NAT10: variants seen among roughly 807,000 people sequenced by gnomAD.
NAT10 encodes N-acetyltransferase 10.
In NAT10, 109 loss-of-function variants were observed where a neutral mutation model predicts 132.2. That is an observed-to-expected ratio of 0.82 (90% confidence interval 0.71 to 0.97). The LOEUF (loss-of-function observed/expected upper bound fraction) is 0.97, where lower values mean the gene tolerates loss of function less well. Among genes scored for constraint, NAT10 ranks in the 50% least tolerant of loss-of-function variants. The pLI, the probability that NAT10 is intolerant of heterozygous loss-of-function variation, is 0.00. For missense variants in NAT10, 1,184 were observed against 1,263.4 expected (o/e 0.94, Z 0.95); for synonymous variants, 479 against 478.0 (o/e 1.00, Z -0.03).
chr11:34,132,070 G>A, intron 14 of NAT10, 55 bp from the exon 15 acceptor site: 2 of 1,321,796 alleles, frequency 1.5e-6, no homozygotes, highest in Non-Finnish European at 2.2e-6. Context: ...CCAGAGAGTA[G>A]TATGACCTGT....
intron 6 of NAT10, 91 bp downstream of exon 6, chr11:34,115,975 G>A: frequency 8.2e-7 from 1 of 1,223,140 alleles, no homozygotes; most frequent in African/African-American, 1.5e-5. Context: ...CTTTTATATT[G>A]GGGAAAGTAG....
chr11:34,115,980 A>G, intron 6 of NAT10, 96 bp downstream of exon 6: 1 of 1,134,954 alleles, frequency 8.8e-7, no homozygotes. Flanking sequence ...ATATTGGGGA[A>G]AGTAGTACAA....
rs561239217 is a variant in NAT10, at chr11:34,112,335, C to G, written c.372+112C>G. 4 of 1,264,528 alleles carry G rather than the reference C, an allele frequency of 3.2e-6. No individual in the cohort carries two copies. In the East Asian group the frequency reaches 9.6e-5, roughly 30 times the overall value. 78.3% of individuals were successfully genotyped at this position (1,264,528 alleles called of 1,614,324 possible). The stretch of plus-strand genomic sequence containing the variant: ...AGTAAGGAGAGGAGAGTCCCATGTT[C>G]CCTATGCCCAAGCATTATTAGTGGA... On this transcript the variant is annotated intron_variant, in intron 4 of 28. Transcript: ENST00000257829.
chr11:34,132,284 T>C, intron 15 of NAT10, 63 bp downstream of exon 15: 1 of 1,319,434 alleles, frequency 7.6e-7, no homozygotes, highest in Non-Finnish European at 1.1e-6. Context: ...CAGTCCCCTT[T>C]TACTTGATTT....
At position 34,122,516 on chromosome 11, in the gene NAT10, G is replaced by T; in HGVS notation, c.838G>T (p.Val280Phe). The T allele has an allele frequency of 6.2e-7, 1 of 1,614,208 alleles. No individual in the cohort carries two copies. The highest frequency in any genetic ancestry group is 8.5e-7 in the Non-Finnish European group (1 of 1,180,036). Residue 280 changes from valine to phenylalanine, a missense_variant, in exon 9 of 29, where the codon GTT (valine) becomes TTT (phenylalanine). Val to Phe is a conservative substitution (Grantham distance 50). Coordinates refer to ENST00000257829, the MANE Select transcript of NAT10 (RefSeq NM_024662.3). Reference protein sequence around the residue: ...GISEKTLRSTVALTAARGRGK... With the variant: ...GISEKTLRSTFALTAARGRGK... ...CTCTGAAAAGACCCTGAGGAGTACT[G>T]TTGCACTCACAGCTGCTCGAGGACG... is the stretch of plus-strand genomic sequence containing the variant.
At chr11:34,134,142 C>T (rs1228914736) in intron 16 of NAT10, among the ~76,000 whole-genome samples, 177 bp from the exon 17 acceptor site, 5 of 152,128 alleles carry the variant, frequency 3.3e-5, no homozygotes, top group South Asian at 2.1e-4. Context: ...CCAGCCTGGG[C>T]GACAGAGTGA....
At chr11:34,126,698 T>C (rs1228706190) in intron 11 of NAT10, among the ~76,000 whole-genome samples, 3 of 152,240 alleles carry the variant, frequency 2.0e-5, no homozygotes, top group Non-Finnish European at 4.4e-5. Flanking sequence ...CTGCTGTCTT[T>C]AGCATTTCAC....
At chr11:34,137,883 G>A (rs188165370) in intron 21 of NAT10, among the ~76,000 whole-genome samples, 248 of 152,284 alleles carry the variant, frequency 1.6e-3, no homozygotes, top group Admixed American at 3.3e-3. Flanking sequence ...AGGATGAGGA[G>A]GATGAGGACA....
chr11:34,143,146 C>T (rs569643601), intron 27 of NAT10, among the ~76,000 whole-genome samples: 7 of 152,268 alleles, frequency 4.6e-5, no homozygotes, highest in Admixed American at 3.9e-4. Flanking sequence ...TAATGAGAGT[C>T]ATGTGGGAAG....
intron 8 of NAT10, among the ~76,000 whole-genome samples, chr11:34,121,516 C>T (rs1851892256): frequency 1.3e-5 from 2 of 151,982 alleles, no homozygotes; most frequent in Admixed American, 1.3e-4. Flanking sequence ...AGTTTGAGAT[C>T]TGTAGTGTAC....
At chr11:34,115,662 C>A (rs1336092853) in intron 5 of NAT10, among the ~76,000 whole-genome samples, 161 bp from the exon 6 acceptor site, 1 of 152,208 alleles carries the variant, frequency 6.6e-6, no homozygotes, top group Non-Finnish European at 1.5e-5. Context: ...AGTGTCTGAT[C>A]CCAGTTTCAG....
Position 34,146,279 on chromosome 11 carries a change from G to C in NAT10, c.*87G>C, listed in dbSNP as rs1267589645. On this transcript the variant is annotated 3_prime_UTR_variant, in exon 29 of 29. Coordinates refer to ENST00000257829, the MANE Select transcript of NAT10 (RefSeq NM_024662.3). ...CTCTGGCTGGACTGTTAAAAGCAAC[G>C]AGAGGCCCCGGCACACCTGGAAGCT... 4.1e-6 allele frequency: 4 copies of C among 984,326 alleles called. No individual in the cohort carries two copies. The highest frequency in any genetic ancestry group is 5.9e-6 in the Non-Finnish European group (4 of 676,068). The allele number at this position is 984,326 out of a possible 1,614,324, so 61.0% of individuals were successfully genotyped here.
chr11:34,120,085 A>G (rs75817653), intron 8 of NAT10, among the ~76,000 whole-genome samples: 13,964 of 145,276 alleles, frequency 0.096, 688 homozygotes, highest in African/African-American at 0.12. Context: ...AGAGGAGGGT[A>G]CCTTCTTCAT....
At chr11:34,127,703 C>T in intron 12 of NAT10, 104 bp downstream of exon 12, 1 of 1,406,224 alleles carries the variant, frequency 7.1e-7, no homozygotes, top group Admixed American at 2.3e-5. Context: ...GTCTGATTCT[C>T]AGAGTCTCTG....
At position 34,127,389 on chromosome 11, in the gene NAT10, A is replaced by T. The variant is rs957654557; in HGVS notation, c.1108-74A>T. 36 of 1,409,172 alleles carry T rather than the reference A, an allele frequency of 2.6e-5. 1 individual carries two copies. The highest frequency in any genetic ancestry group is 3.0e-5 in the Non-Finnish European group (31 of 1,022,812). 87.3% of individuals were successfully genotyped at this position (1,409,172 alleles called of 1,614,324 possible). On this transcript the variant is annotated intron_variant, in intron 11 of 28. Coordinates refer to ENST00000257829, the MANE Select transcript of NAT10 (RefSeq NM_024662.3). ...AGAGAGAGGAAAGAGAACATCCTTT[A>T]TGATGAGTCGCCAGTAATCACAGCT...
chr11:34,141,398 TCATCACACATCA>T (rs1565120102), intron 25 of NAT10, among the ~76,000 whole-genome samples, 190 bp downstream of exon 25: 6 of 144,848 alleles, frequency 4.1e-5, no homozygotes, highest in Non-Finnish European at 7.5e-5. Flanking sequence ...TTGCTGCATC[TCATCACACATCA>T]CACACACACA....
intron 1 of NAT10, chr11:34,106,135 C>G (rs575025102): frequency 6.6e-6 from 1 of 152,542 alleles, no homozygotes; most frequent in African/African-American, 2.4e-5. Context: ...CAGGTCTGGG[C>G]ATTATACTTA....
In NAT10 at chr11:34,120,172, G is replaced by A. The variant is rs539451898; in HGVS notation, c.780+1669G>A. On this transcript the variant is annotated intron_variant, in intron 8 of 28. Coordinates refer to ENST00000257829, the MANE Select transcript of NAT10 (RefSeq NM_024662.3). ...TTTTTTTTTTTTTTTTTGGTGAGCC[G>A]GTCTGCTTATTTCCTCTGCCCACTT... Among the ~76,000 whole-genome samples, 121 of 100,752 alleles carry A rather than the reference G, an allele frequency of 1.2e-3. 1 individual carries two copies. The highest frequency in any genetic ancestry group is 4.2e-3 in the African/African-American group (116 of 27,878). The allele number at this position is 100,752 out of a possible 152,430, so 66.1% of individuals were successfully genotyped here. A position where few individuals can be genotyped will look rare whatever the true frequency, so the allele number is the denominator to read the frequency against.
intron 16 of NAT10, among the ~76,000 whole-genome samples, chr11:34,133,521 T>C (rs970651852): frequency 6.6e-6 from 1 of 152,262 alleles, no homozygotes; most frequent in African/African-American, 2.4e-5. Flanking sequence ...TTTATGCATT[T>C]CTATATCACT....
Sources: gnomAD v4.1 joint callset for allele counts (sites outside exome capture counted in the v4.1 genomes callset) on GRCh38, gnomAD v4.1.1 for gene constraint, MANE v1.5 for transcripts, NCBI Gene and HGNC (gene_info 2026-07-23, HGNC 2026-07-21) for gene names.